The following ELOC variants were observed in gnomAD, a reference collection of about 807,000 sequenced individuals.
The protein encoded by ELOC is elongin C.
For missense variants in ELOC, 38 were observed against 139.0 expected (o/e 0.27, Z 3.65); for synonymous variants, 40 against 51.3 (o/e 0.78, Z 0.94).
intron 3 of ELOC, among the ~76,000 whole-genome samples, chr8:73,950,208 G>A (rs1586592512): frequency 6.6e-6 from 1 of 152,120 alleles, no homozygotes; most frequent in East Asian, 1.9e-4. Context: ...CATGTCAAAA[G>A]GACACAGAAG....
At chr8:73,968,707 T>C (rs767774274) in intron 1 of ELOC, among the ~76,000 whole-genome samples, 11 of 152,236 alleles carry the variant, frequency 7.2e-5, no homozygotes, top group Non-Finnish European at 1.6e-4. Flanking sequence ...TAAGCAATGA[T>C]TGATATTCCG....
At chr8:73,958,803 T>C (rs188939077) in intron 2 of ELOC, among the ~76,000 whole-genome samples, 4 of 152,300 alleles carry the variant, frequency 2.6e-5, no homozygotes, top group South Asian at 2.1e-4. Context: ...CGGGAATATA[T>C]AGTCATGCAT....
In ELOC at chr8:73,959,065, A is replaced by G. The variant is rs563853409; in HGVS notation, c.4+700T>C. ...AAAGGTACAGTAGAAATATAGCATA[A>G]AAGAGTTAAAAAGGTATACCTGTAT... On this transcript the variant is annotated intron_variant, in intron 2 of 3. Coordinates refer to ENST00000520242, the MANE Select transcript of ELOC (RefSeq NM_005648.4). Among the ~76,000 whole-genome samples the G allele has an allele frequency of 2.6e-5, 4 of 152,322 alleles. No individual in the cohort carries two copies. The East Asian group carries it at 5.8e-4, about 22-fold the overall frequency.
chr8:73,955,036 A>G (rs1185541339), intron 3 of ELOC, among the ~76,000 whole-genome samples: 56 of 55,606 alleles, frequency 1.0e-3, no homozygotes, highest in African/African-American at 1.9e-3. Context: ...TCCATCTCGG[A>G]AAAAAAAAAA....
chr8:73,964,805 T>A (rs1482396943), intron 1 of ELOC, among the ~76,000 whole-genome samples: 1 of 152,004 alleles, frequency 6.6e-6, no homozygotes, highest in Non-Finnish European at 1.5e-5. Context: ...AAGCTGACTG[T>A]TTGAACCCAG....
At chr8:73,970,723 C>G (rs1815298119) in intron 1 of ELOC, 1 of 151,846 alleles carries the variant, frequency 6.6e-6, no homozygotes, top group African/African-American at 2.4e-5. Context: ...TTTCGGGGAT[C>G]AAAAAGCAAA....
intron 3 of ELOC, among the ~76,000 whole-genome samples, chr8:73,953,381 A>AT (rs1411887561): frequency 6.6e-6 from 1 of 151,760 alleles, no homozygotes; most frequent in Admixed American, 6.6e-5. Flanking sequence ...GATAGCAGTG[A>AT]TAAAAAAAAG....
intron 3 of ELOC, among the ~76,000 whole-genome samples, chr8:73,948,522 A>G (rs954255513): frequency 6.6e-6 from 1 of 152,224 alleles, no homozygotes; most frequent in African/African-American, 2.4e-5. Context: ...GTGAGCTGAT[A>G]TCATACCACT....
chr8:73,949,276 G>T (rs1813596467), intron 3 of ELOC, among the ~76,000 whole-genome samples: 1 of 152,200 alleles, frequency 6.6e-6, no homozygotes, highest in Non-Finnish European at 1.5e-5. Context: ...TCACAACAAT[G>T]AGGTAAATTT....
chr8:73,954,434 G>A lies in ELOC; in HGVS notation c.148+1477C>T, dbSNP rs192428734. ...AGCACTTTGGGAGGCTGAGGCAGGC[G>A]GATCACAAGGTCAGATCGAGACCAT... On this transcript the variant is annotated intron_variant, in intron 3 of 3. Transcript: ENST00000520242. Among the ~76,000 whole-genome samples the A allele has an allele frequency of 2.5e-3, 374 of 152,160 alleles. 1 individual carries two copies. Among genetic ancestry groups the A allele is most frequent in the Non-Finnish European group, 4.0e-3 (275 of 68,006 alleles).
At chr8:73,952,046 A>G (rs756036773) in intron 3 of ELOC, among the ~76,000 whole-genome samples, 6 of 152,256 alleles carry the variant, frequency 3.9e-5, no homozygotes, top group Non-Finnish European at 8.8e-5. Flanking sequence ...AGCCAAACCC[A>G]TAAAACGCCT....
At chr8:73,963,782 G>A (rs928478478) in intron 1 of ELOC, among the ~76,000 whole-genome samples, 7 of 152,096 alleles carry the variant, frequency 4.6e-5, no homozygotes, top group Non-Finnish European at 7.4e-5. Context: ...AATACAACTA[G>A]CTTAGACAGG....
At chr8:73,962,572 A>G (rs1290555764) in intron 1 of ELOC, among the ~76,000 whole-genome samples, 5 of 107,442 alleles carry the variant, frequency 4.7e-5, no homozygotes, top group Non-Finnish European at 1.2e-4. Flanking sequence ...TTAAAAAACA[A>G]AACAAAAAAA....
At chr8:73,955,862 T>G (rs1217606855) in intron 3 of ELOC, 49 bp downstream of exon 3, 4 of 1,546,668 alleles carry the variant, frequency 2.6e-6, no homozygotes, top group Non-Finnish European at 3.5e-6. Flanking sequence ...AAAACATCCA[T>G]CAAACATTAA....
At chr8:73,957,961 G>C (rs1458510993) in intron 2 of ELOC, among the ~76,000 whole-genome samples, 1 of 151,924 alleles carries the variant, frequency 6.6e-6, no homozygotes, top group Non-Finnish European at 1.5e-5. Context: ...GTATTTAGTA[G>C]AGATGGGGTT....
At chr8:73,958,541 A>T (rs1437608064) in intron 2 of ELOC, among the ~76,000 whole-genome samples, 1 of 152,214 alleles carries the variant, frequency 6.6e-6, no homozygotes, top group Non-Finnish European at 1.5e-5. Context: ...TTTTCATAAA[A>T]AGCGGGAGGA....
At chr8:73,956,479 A>G (rs765121663) in intron 2 of ELOC, among the ~76,000 whole-genome samples, 14 of 152,228 alleles carry the variant, frequency 9.2e-5, no homozygotes, top group Non-Finnish European at 1.6e-4. Context: ...AGGTATTATA[A>G]TAGTCACCAA....
intron 1 of ELOC, among the ~76,000 whole-genome samples, chr8:73,968,265 A>G (rs544103843): frequency 3.9e-4 from 59 of 152,276 alleles, no homozygotes; most frequent in African/African-American, 1.4e-3. Flanking sequence ...TTCTGGCTCT[A>G]TTTCATGACT....
At chr8:73,957,122 G>A (rs915294718) in intron 2 of ELOC, among the ~76,000 whole-genome samples, 4 of 150,496 alleles carry the variant, frequency 2.7e-5, no homozygotes, top group African/African-American at 9.8e-5. Flanking sequence ...GCAGTGAGCC[G>A]AGACTGCGCC....
Sources: gnomAD v4.1 joint callset for allele counts (sites outside exome capture counted in the v4.1 genomes callset) on GRCh38, gnomAD v4.1.1 for gene constraint, MANE v1.5 for transcripts, NCBI Gene and HGNC (gene_info 2026-07-23, HGNC 2026-07-21) for gene names.